LRRC66: variants seen among roughly 807,000 people sequenced by gnomAD.
LRRC66 encodes leucine-rich repeat-containing protein 66.
In LRRC66, 29 loss-of-function variants were observed where a neutral mutation model predicts 24.6. That is an observed-to-expected ratio of 1.18 (90% CI 0.88 to 1.61). LRRC66 has a LOEUF of 1.61. Ranked by LOEUF, LRRC66 falls within the 40% of genes most tolerant of loss-of-function variation. LRRC66 has a pLI of 0.00. For missense variants in LRRC66, 1,124 were observed against 1,058.0 expected (o/e 1.06, Z -0.87); for synonymous variants, 411 against 397.6 (o/e 1.03, Z -0.40).
chr4:51,994,793 G>C lies in LRRC66; in HGVS notation c.2229C>G (p.Ser743Arg), dbSNP rs1560555129. 1.2e-6 allele frequency: 2 copies of C among 1,614,190 alleles called. No homozygotes were observed. The highest frequency in any genetic ancestry group is 8.5e-7 in the Non-Finnish European group (1 of 1,180,018). ...TGTCTACAGCCGTCACATTGTCCTT[G>C]CTTGCCCCTGAGCTCTCGTCCTGCA... ...ESLQDESSGA[S>R]KDNVTAVDSL... The change falls in exon 5 of 5, where the codon AGC (serine) becomes AGG (arginine). Residue 743 changes from serine to arginine, a missense_variant. Transcript: ENST00000682860.
chr4:52,001,002 C>A (rs977370200), intron 3 of LRRC66, among the ~76,000 whole-genome samples: 3 of 152,222 alleles, frequency 2.0e-5, no homozygotes, highest in African/African-American at 7.2e-5. Context: ...CCCATGTATT[C>A]ATTCCTTTGT....
In LRRC66 at chr4:51,995,572, T is replaced by A; in HGVS notation, c.1450A>T (p.Ser484Cys). ...CCGCACTGTCCTGGGCTCTGCGAAC[T>A]GCCAGGATCCTTTCTGCTCCTTCCC... ...TLGRSRKDPG[S>C]SQSPGQCGDN... The change falls in exon 5 of 5, where the codon AGT becomes TGT. Residue 484 changes from serine to cysteine, a missense_variant. Coordinates refer to ENST00000682860, the MANE Select transcript of LRRC66 (RefSeq NM_001024611.3). 1 of 1,614,164 alleles carries A rather than the reference T, an allele frequency of 6.2e-7. No individual in the cohort carries two copies. Among genetic ancestry groups the A allele is most frequent in the Non-Finnish European group, 8.5e-7 (1 of 1,180,040 alleles).
chr4:52,014,193 G>A (rs996681566), intron 2 of LRRC66, among the ~76,000 whole-genome samples: 3 of 152,110 alleles, frequency 2.0e-5, no homozygotes, highest in Admixed American at 1.3e-4. Flanking sequence ...CGGAGGTTGC[G>A]GGGAGCCGAG....
At chr4:52,001,693 G>A (rs1392799739) in intron 3 of LRRC66, among the ~76,000 whole-genome samples, 3 of 152,152 alleles carry the variant, frequency 2.0e-5, no homozygotes, top group Non-Finnish European at 4.4e-5. Flanking sequence ...GAAAGTGGCC[G>A]AGGCTAGGTT....
At position 52,013,037 on chromosome 4, in the gene LRRC66, TA is replaced by T. The variant is rs1736734217; in HGVS notation, c.496+4080del. Among the ~76,000 whole-genome samples, 5 of 152,336 alleles carry T rather than the reference TA, an allele frequency of 3.3e-5. No individual in the cohort carries two copies. In the South Asian group the frequency reaches 8.3e-4, roughly 25 times the overall value. ...GAATAGAGTCTAGAATGGTCCTGGG[TA>T]AGATATTCGATTCATTAGGTCAGAT... is the stretch of plus-strand genomic sequence containing the variant. On this transcript the variant is annotated intron_variant, in intron 2 of 4. Coordinates refer to ENST00000682860, the MANE Select transcript of LRRC66 (RefSeq NM_001024611.3).
In LRRC66 at chr4:52,017,429, G is replaced by T; in HGVS notation, c.185C>A (p.Ala62Glu). The change falls in exon 2 of 5, where the codon GCA becomes GAA. Residue 62 changes from alanine to glutamate, a missense_variant. Ala to Glu is a moderately radical substitution (Grantham distance 107). Coordinates refer to ENST00000682860, the MANE Select transcript of LRRC66 (RefSeq NM_001024611.3). ...CDIPVDISQT[A>E]ATVDVSFNFF... ...ATTGAAACTTACATCCACAGTGGCT[G>T]CTGTCTGTGATATGTCCACAGGTAT... 1 of 1,614,026 alleles carries T rather than the reference G, an allele frequency of 6.2e-7. No homozygotes were observed. The highest frequency in any genetic ancestry group is 8.5e-7 in the Non-Finnish European group (1 of 1,179,932).
chr4:51,998,586 T>C (rs1736376376), intron 3 of LRRC66, among the ~76,000 whole-genome samples: 1 of 152,168 alleles, frequency 6.6e-6, no homozygotes, highest in Non-Finnish European at 1.5e-5. Flanking sequence ...TCAAGAGTAG[T>C]AGTACATTTC....
chr4:52,012,223 G>A (rs1388735671), intron 2 of LRRC66, among the ~76,000 whole-genome samples: 2 of 151,900 alleles, frequency 1.3e-5, no homozygotes, highest in Non-Finnish European at 2.9e-5. Context: ...TAAAAAGAGT[G>A]GGACCCGAAC....
At chr4:52,003,176 G>T in intron 3 of LRRC66, 47 bp downstream of exon 3, 1 of 1,423,756 alleles carries the variant, frequency 7.0e-7, no homozygotes, top group Non-Finnish European at 9.8e-7. Context: ...TAATGTAATT[G>T]CCCATGTGTC....
chr4:51,997,486 ATTCCTCCT>A (rs1736347261), intron 4 of LRRC66, among the ~76,000 whole-genome samples: 10 of 152,232 alleles, frequency 6.6e-5, no homozygotes, highest in Admixed American at 6.5e-4. Flanking sequence ...TTCTAGTGGA[ATTCCTCCT>A]TTTCACCAAA....
chr4:51,999,063 C>A (rs993212423), intron 3 of LRRC66, among the ~76,000 whole-genome samples: 1 of 152,156 alleles, frequency 6.6e-6, no homozygotes, highest in Non-Finnish European at 1.5e-5. Context: ...GGTGCCTGAG[C>A]CCCTGCTACA....
intron 2 of LRRC66, among the ~76,000 whole-genome samples, chr4:52,015,172 T>C (rs1736781961): frequency 6.6e-6 from 1 of 152,184 alleles, no homozygotes; most frequent in African/African-American, 2.4e-5. Flanking sequence ...CTCTTGCTCT[T>C]TCTCTCCATT....
intron 2 of LRRC66, among the ~76,000 whole-genome samples, chr4:52,005,837 G>A (rs1034336458): frequency 6.6e-6 from 1 of 152,178 alleles, no homozygotes; most frequent in African/African-American, 2.4e-5. Flanking sequence ...CTACAGCCAG[G>A]AGGCATCCAA....
intron 2 of LRRC66, among the ~76,000 whole-genome samples, chr4:52,015,724 T>C (rs1736794144): frequency 6.6e-6 from 1 of 152,118 alleles, no homozygotes; most frequent in Non-Finnish European, 1.5e-5. Context: ...TATAATGACG[T>C]CCATCAAAAA....
At chr4:52,000,729 A>G (rs1736429187) in intron 3 of LRRC66, among the ~76,000 whole-genome samples, 2 of 152,220 alleles carry the variant, frequency 1.3e-5, no homozygotes, top group African/African-American at 4.8e-5. Flanking sequence ...GCAGCCCACA[A>G]GGAACTGAAT....
chr4:51,994,753 C>A lies in LRRC66; in HGVS notation c.2269G>T (p.Val757Phe). Residue 757 changes from valine (V) to phenylalanine (F), a missense_variant, in exon 5 of 5, where the codon GTT becomes TTT. Val to Phe is a conservative substitution (Grantham distance 50, BLOSUM62 -1). Transcript: ENST00000682860. ...TTCCCTGGAATTGTTTGGAAGGTAA[C>A]ATTTTCCTCAAGACTGTCTACAGCC... The part of the protein sequence containing the change: ...VTAVDSLEEN[V>F]TFQTIPGKCK... 6.2e-7 allele frequency: 1 copy of A among 1,614,182 alleles called. No homozygotes were observed. The highest frequency in any genetic ancestry group is 8.5e-7 in the Non-Finnish European group (1 of 1,180,022).
intron 3 of LRRC66, among the ~76,000 whole-genome samples, chr4:51,999,873 G>T (rs920405627): frequency 1.3e-5 from 2 of 152,138 alleles, no homozygotes; most frequent in Non-Finnish European, 2.9e-5. Context: ...TAAGAAGAAT[G>T]GGATAAGATT....
rs1232937282 is a variant in LRRC66 at position 51,994,559 on chromosome 4, C to T, written c.2463G>A (p.Met821Ile). ...NSPLGDEFPG[M>I]FTYDYDTALQ... ...GAGCTGTGTCATAATCATAAGTGAA[C>T]ATGCCCGGAAACTCATCCCCTAAGG... The change falls in exon 5 of 5, where the codon ATG becomes ATA. Residue 821 changes from methionine (M) to isoleucine (I), a missense_variant. Transcript: ENST00000682860. The T allele has an allele frequency of 6.2e-7, 1 of 1,614,200 alleles. No homozygotes were observed. The highest frequency in any genetic ancestry group is 8.5e-7 in the Non-Finnish European group (1 of 1,180,046).
intron 2 of LRRC66, among the ~76,000 whole-genome samples, chr4:52,014,276 C>T (rs1365309757): frequency 1.3e-5 from 2 of 152,092 alleles, no homozygotes; most frequent in Non-Finnish European, 2.9e-5. Flanking sequence ...CAAAAAAAAC[C>T]TTGAGATTTA....
Sources: allele counts gnomAD v4.1 joint callset (sites outside exome capture counted in the v4.1 genomes callset), GRCh38; gene constraint gnomAD v4.1.1; transcripts MANE v1.5; gene names NCBI Gene and HGNC (gene_info 2026-07-23, HGNC 2026-07-21).